The following NRP1 variants were observed in gnomAD, a reference collection of about 807,000 sequenced individuals.
NRP1 encodes neuropilin-1.
NRP1 carries 35 observed loss-of-function variants against 106.7 expected under a neutral mutation model. That is an observed-to-expected ratio of 0.33 (90% CI 0.25 to 0.43). The LOEUF is 0.43. Ranked by LOEUF, NRP1 falls within the 20% of genes least tolerant of loss-of-function variation. NRP1 has a pLI of 1.00. For synonymous variants in NRP1, 437 were observed against 417.9 expected, an observed-to-expected ratio of 1.05 and a Z score of -0.56; for missense variants, 1,024 against 1,170.4, an observed-to-expected ratio of 0.87 and a Z score of 1.83.
intron 6 of NRP1, among the ~76,000 whole-genome samples, chr10:33,243,480 C>T (rs1841173624): frequency 6.6e-6 from 1 of 152,112 alleles, no homozygotes; most frequent in Non-Finnish European, 1.5e-5. Flanking sequence ...CTCAGGCTAG[C>T]TAAAAGAATA....
rs1379231419 is a variant in NRP1, at chr10:33,192,391, T to G, written c.1952A>C (p.Glu651Ala). The G allele has an allele frequency of 1.2e-6, 2 of 1,613,824 alleles. No homozygotes were observed. Among genetic ancestry groups the G allele is most frequent in the Admixed American group, 3.3e-5 (2 of 59,972 alleles). The stretch of plus-strand genomic sequence containing the variant: ...GGTCTTGTGAGAGCCCCAGCCAAAT[T>G]CACAGTTAAAACCATATGTTGGAAA... ...SEFPTYGFNC[E>A]FGWGSHKTFC... Residue 651 changes from glutamate to alanine, a missense_variant, in exon 13 of 17, where the codon GAA becomes GCA. By Grantham distance (107) the Glu-to-Ala change is moderately radical. Around this residue, in one of 5 missense-constraint regions of NRP1, gnomAD observed 562 missense variants for 620.3 expected, o/e 0.91. Transcript: ENST00000374867.
chr10:33,245,553 C>T (rs1201505794), intron 6 of NRP1, among the ~76,000 whole-genome samples: 1 of 152,188 alleles, frequency 6.6e-6, no homozygotes, highest in Non-Finnish European at 1.5e-5. Context: ...TAGGGATAGG[C>T]TGGGGTTTAA....
intron 6 of NRP1, 24 bp from the exon 7 acceptor site, chr10:33,226,313 T>C: frequency 1.2e-6 from 2 of 1,613,496 alleles, no homozygotes; most frequent in Non-Finnish European, 1.7e-6. Context: ...ACAAGCGTGG[T>C]CAGTGCACCA....
chr10:33,307,250 C>T (rs1294121993), intron 2 of NRP1, among the ~76,000 whole-genome samples: 1 of 152,180 alleles, frequency 6.6e-6, no homozygotes, highest in Non-Finnish European at 1.5e-5. Flanking sequence ...CAGAGGTCAG[C>T]AAACTATGGC....
At chr10:33,302,720 G>A (rs763605483) in intron 2 of NRP1, among the ~76,000 whole-genome samples, 3 of 152,180 alleles carry the variant, frequency 2.0e-5, no homozygotes, top group Non-Finnish European at 2.9e-5. Context: ...CAGGGAGGGT[G>A]AGCGAAGCAA....
intron 13 of NRP1, among the ~76,000 whole-genome samples, chr10:33,188,260 C>T (rs527749236): frequency 7.9e-4 from 121 of 152,218 alleles, no homozygotes; most frequent in Admixed American, 4.2e-3. Flanking sequence ...GAGCTCATTG[C>T]TCAAAGTTTA....
At chr10:33,281,652 C>A (rs1844137261) in intron 2 of NRP1, among the ~76,000 whole-genome samples, 1 of 152,116 alleles carries the variant, frequency 6.6e-6, no homozygotes, top group Admixed American at 6.6e-5. Flanking sequence ...CTGACTTGTG[C>A]CCTGGATAGG....
chr10:33,235,124 C>A (rs1435358405), intron 6 of NRP1, among the ~76,000 whole-genome samples: 1 of 152,190 alleles, frequency 6.6e-6, no homozygotes, highest in Non-Finnish European at 1.5e-5. Flanking sequence ...AAATCAGGAG[C>A]AACTAATTAA....
chr10:33,326,231 C>T (rs976242321), intron 2 of NRP1, among the ~76,000 whole-genome samples: 4 of 152,114 alleles, frequency 2.6e-5, no homozygotes, highest in African/African-American at 9.7e-5. Flanking sequence ...GTTTATTATA[C>T]AGATATAAAC....
chr10:33,222,349 C>T (rs1588762705), intron 7 of NRP1, among the ~76,000 whole-genome samples: 1 of 152,074 alleles, frequency 6.6e-6, no homozygotes. Flanking sequence ...TGACTTCATT[C>T]CTTGATGGAA....
intron 11 of NRP1, chr10:33,202,673 G>T: frequency 6.5e-7 from 1 of 1,545,964 alleles, no homozygotes; most frequent in Non-Finnish European, 8.8e-7. Flanking sequence ...TCTCGAAATG[G>T]CTCAAATTAT....
At chr10:33,209,775 C>G (rs1219292426) in intron 9 of NRP1, among the ~76,000 whole-genome samples, 1 of 152,224 alleles carries the variant, frequency 6.6e-6, no homozygotes, top group Non-Finnish European at 1.5e-5. Context: ...TCGAGACAGC[C>G]CAGTCTCCTG....
In NRP1 at chr10:33,220,915, A is replaced by AG. The variant is rs1419133602; in HGVS notation, c.1282+803_1282+804insC. Among the ~76,000 whole-genome samples, 17 of 151,454 alleles carry AG rather than the reference A, an allele frequency of 1.1e-4. No individual in the cohort carries two copies. The East Asian group carries it at 2.3e-3, about 21-fold the overall frequency. On this transcript the variant is annotated intron_variant, in intron 8 of 16. Coordinates refer to ENST00000374867, the MANE Select transcript of NRP1 (RefSeq NM_003873.7). Reference sequence around the variant, plus strand: ...GGCTCAGTCTCAAAAAAAAAAAAAAAAAAAAAAAGAAAAACAAATAAAAAG... The same window carrying AG: ...GGCTCAGTCTCAAAAAAAAAAAAAAAGAAAAAAAAGAAAAACAAATAAAAAG...
At chr10:33,262,723 G>C (rs1367630108) in intron 4 of NRP1, among the ~76,000 whole-genome samples, 1 of 108,176 alleles carries the variant, frequency 9.2e-6, no homozygotes, top group Non-Finnish European at 1.9e-5. Flanking sequence ...AAAAAAAAAA[G>C]TCTAACCTCA....
intron 6 of NRP1, among the ~76,000 whole-genome samples, chr10:33,232,444 G>A (rs1244055145): frequency 6.6e-6 from 1 of 152,044 alleles, no homozygotes; most frequent in African/African-American, 2.4e-5. Flanking sequence ...TAAGGGTGAT[G>A]GTGAGGGGGT....
At chr10:33,278,011 T>C (rs1383844260) in intron 2 of NRP1, among the ~76,000 whole-genome samples, 3 of 152,190 alleles carry the variant, frequency 2.0e-5, no homozygotes, top group Non-Finnish European at 4.4e-5. Flanking sequence ...TTACTTCTTG[T>C]AGTCCTTTCA....
chr10:33,256,869 A>G (rs2099463206), intron 4 of NRP1, among the ~76,000 whole-genome samples: 2 of 152,266 alleles, frequency 1.3e-5, no homozygotes, highest in South Asian at 4.1e-4. Flanking sequence ...TTTCTGAGTT[A>G]CCCGTCCTCG....
At chr10:33,226,090 A>T (rs372476076) in intron 7 of NRP1, 44 bp downstream of exon 7, 2 of 1,603,084 alleles carry the variant, frequency 1.2e-6, no homozygotes, top group African/African-American at 2.7e-5. Context: ...TTGATCATCC[A>T]TTTAAAAGAC....
intron 9 of NRP1, chr10:33,212,149 G>A (rs1011073389): frequency 1.3e-5 from 2 of 152,296 alleles, no homozygotes; most frequent in Non-Finnish European, 1.5e-5. Context: ...GGAATGGAAT[G>A]TTTTTGTGTT....
Sources: allele counts gnomAD v4.1 joint callset (sites outside exome capture counted in the v4.1 genomes callset), GRCh38; gene constraint gnomAD v4.1.1; regional missense constraint gnomAD v4.1.1; transcripts MANE v1.5; gene names NCBI Gene and HGNC (gene_info 2026-07-23, HGNC 2026-07-21).